Variants in KLF10 observed in about 807,000 individuals in gnomAD.
KLF10 encodes Krueppel-like factor 10.
KLF10 carries 17 observed loss-of-function variants against 31.6 expected under a neutral mutation model. The ratio of observed to expected loss-of-function variants is 0.54; its 90% CI spans 0.37 to 0.81. KLF10 has a LOEUF of 0.81. Among genes scored for constraint, KLF10 ranks in the 30% least tolerant of loss-of-function variants. The probability of loss-of-function intolerance (pLI) is 0.00; values close to 1 mark genes in which losing one functional copy is unlikely to be tolerated. For synonymous variants in KLF10, 239 were observed against 215.1 expected, an observed-to-expected ratio of 1.11 and a Z score of -0.97; for missense variants, 525 against 598.1, an observed-to-expected ratio of 0.88 and a Z score of 1.27.
At chr8:102,653,354 T>C in intron 1 of KLF10, 1 of 931,094 alleles carries the variant, frequency 1.1e-6, no homozygotes, top group Non-Finnish European at 1.5e-6. Flanking sequence ...TTTAATTCCT[T>C]AAAGAACTGC....
chr8:102,651,839 A>G lies in KLF10; in HGVS notation c.493T>C (p.Cys165Arg). 6.2e-7 allele frequency: 1 copy of G among 1,614,248 alleles called. No homozygotes were observed. The highest frequency in any genetic ancestry group is 1.1e-5 in the South Asian group (1 of 91,090). The change falls in exon 3 of 4, where the codon TGT becomes CGT. Residue 165 changes from cysteine (C) to arginine (R), a missense_variant. Transcript: ENST00000285407. Reference protein sequence around the residue: ...VIRHTADAQLCNHQTCPMKAA... With the variant: ...VIRHTADAQLRNHQTCPMKAA... ...TTCATTGGGCAGGTCTGGTGGTTAC[A>G]TAGCTGGGCATCAGCTGTATGACGA...
chr8:102,650,469 TGAG>T, intron 3 of KLF10, 78 bp from the exon 4 acceptor site: 6 of 1,370,000 alleles, frequency 4.4e-6, no homozygotes, highest in South Asian at 1.4e-5. Flanking sequence ...TAAAAGTATA[TGAG>T]AAGATACATT....
chr8:102,655,414 T>G, intron 1 of KLF10, 152 bp downstream of exon 1: 1 of 959,616 alleles, frequency 1.0e-6, no homozygotes, highest in Non-Finnish European at 1.7e-6. Flanking sequence ...ATGCCCATAG[T>G]CTGCAGGCAG....
rs754727199 is a variant in KLF10 at position 102,655,546 on chromosome 8, G to A, written c.36+20C>T. On this transcript the variant is annotated intron_variant, in intron 1 of 3. Transcript: ENST00000285407. ...ACAAGACCAGGCGAGGAAGCACAGG[G>A]GCATCCCCAAATGACTTACCGCAGT... The A allele has an allele frequency of 1.4e-5, 23 of 1,614,060 alleles. No individual in the cohort carries two copies. Among genetic ancestry groups the A allele is most frequent in the Non-Finnish European group, 1.8e-5 (21 of 1,179,948 alleles).
At position 102,650,176 on chromosome 8, in the gene KLF10, G is replaced by T. The variant is rs762662397; in HGVS notation, c.1399C>A (p.Leu467Ile). The change falls in exon 4 of 4, where the codon CTA becomes ATA. Residue 467 changes from leucine (L) to isoleucine (I), a missense_variant. Physicochemically the swap from Leu to Ile is conservative, Grantham distance 5. Around this residue, in one of 3 missense-constraint regions of KLF10, gnomAD observed 42 missense variants for 42.4 expected, o/e 0.99. Coordinates refer to ENST00000285407, the MANE Select transcript of KLF10 (RefSeq NM_005655.4). ...LPNWQMEVSK[L>I]NDIALPPTPA... ...GTTGGAGGTAGAGCAATGTCATTTA[G>T]CTTGCTCACTTCCATCTGCCAGTTT... 6.2e-7 allele frequency: 1 copy of T among 1,614,244 alleles called. No homozygotes were observed. Among genetic ancestry groups the T allele is most frequent in the Admixed American group, 1.7e-5 (1 of 60,028 alleles).
At chr8:102,651,023 C>A in intron 3 of KLF10, 126 bp downstream of exon 3, 1 of 872,526 alleles carries the variant, frequency 1.1e-6, no homozygotes, top group African/African-American at 1.7e-5. Context: ...GAGGACCTTG[C>A]ACTGGTAAAT....
Position 102,649,177 on chromosome 8 carries a change from T to C in KLF10, c.*955A>G, listed in dbSNP as rs1827146583. 6.5e-6 allele frequency: 1 copy of C among 152,676 alleles called. No homozygotes were observed. The highest frequency in any genetic ancestry group is 1.5e-5 in the Non-Finnish European group (1 of 68,036). The allele number at this position is 152,676 out of a possible 1,614,324, so 9.5% of individuals were successfully genotyped here. The stretch of plus-strand genomic sequence containing the variant: ...CTGTGAATAATGGTCACTAATTTTC[T>C]AATTCAATAAAGCACACATTATATC... On this transcript the variant is annotated 3_prime_UTR_variant, in exon 4 of 4. Transcript: ENST00000285407.
chr8:102,651,242 A>T lies in KLF10; in HGVS notation c.1090T>A (p.Ser364Thr), dbSNP rs778734661. The change falls in exon 3 of 4, where the codon TCA becomes ACA. Residue 364 changes from serine (S) to threonine (T), a missense_variant. Ser to Thr is a moderately conservative substitution (Grantham distance 58, BLOSUM62 1). This residue lies in a region of KLF10 where 434 missense variants were observed against 450.7 expected (regional missense o/e 0.96). Coordinates refer to ENST00000285407, the MANE Select transcript of KLF10 (RefSeq NM_005655.4). ...CTACAGATGTGACTCCTTATCCTTGATGAATCAATCTGAGGAGTGACTTTT... is the reference window on the plus strand; with the variant it reads ...CTACAGATGTGACTCCTTATCCTTGTTGAATCAATCTGAGGAGTGACTTTT... ...AAKVTPQIDS[S>T]RIRSHICSHP... 49 of 1,594,154 alleles carry T rather than the reference A, an allele frequency of 3.1e-5. No homozygotes were observed. The highest frequency in any genetic ancestry group is 4.0e-5 in the Non-Finnish European group (47 of 1,170,782).
At chr8:102,653,999 G>A in intron 1 of KLF10, 12 of 984,954 alleles carry the variant, frequency 1.2e-5, no homozygotes, top group East Asian at 1.1e-4. Flanking sequence ...AACATTCCTC[G>A]CCGCTCGCAC....
intron 1 of KLF10, chr8:102,653,794 G>C: frequency 1.9e-6 from 2 of 1,070,766 alleles, no homozygotes; most frequent in Non-Finnish European, 2.3e-6. Context: ...AGCGTGAGCT[G>C]GGAAGGACAG....
intron 1 of KLF10, chr8:102,653,878 CG>C (rs1827285616): frequency 4.2e-6 from 1 of 236,660 alleles, no homozygotes; most frequent in Non-Finnish European, 4.8e-6. Flanking sequence ...GAGGCGCGGG[CG>C]GGGGAGGCAG....
intron 1 of KLF10, 30 bp downstream of exon 1, chr8:102,655,536 G>A: frequency 1.2e-6 from 2 of 1,613,976 alleles, no homozygotes; most frequent in Non-Finnish European, 1.7e-6. Context: ...ACCAGGCGAG[G>A]AAGCACAGGG....
intron 1 of KLF10, 108 bp downstream of exon 1, chr8:102,655,458 C>G (rs900862771): frequency 7.1e-7 from 1 of 1,400,188 alleles, no homozygotes; most frequent in South Asian, 1.2e-5. Flanking sequence ...TCCGCTGCAG[C>G]CCCAATTCTC....
intron 1 of KLF10, among the ~76,000 whole-genome samples, chr8:102,654,737 C>T (rs1827318421): frequency 6.6e-6 from 1 of 151,562 alleles, no homozygotes; most frequent in African/African-American, 2.4e-5. Flanking sequence ...CGGCTCCAGA[C>T]GCGCGGCCCC....
rs935743387 is a variant in KLF10 at position 102,649,782 on chromosome 8, A to G, written c.*350T>C. 4.0e-6 allele frequency: 1 copy of G among 247,630 alleles called. No homozygotes were observed. Among genetic ancestry groups the G allele is most frequent in the East Asian group, 9.0e-5 (1 of 11,120 alleles). 15.3% of individuals were successfully genotyped at this position (247,630 alleles called of 1,614,324 possible). On this transcript the variant is annotated 3_prime_UTR_variant, in exon 4 of 4. Transcript: ENST00000285407. ...CAGTGCTTTAGAAGAATCACATTGA[A>G]AAGTTGGTCTCAAGTATAAACAGCA...
chr8:102,652,428 C>T lies in KLF10; in HGVS notation c.37-31G>A, dbSNP rs1271150576. 4.6e-6 allele frequency: 6 copies of T among 1,317,876 alleles called. No individual in the cohort carries two copies. In the Admixed American group the frequency reaches 1.4e-4, roughly 31 times the overall value. 81.6% of individuals were successfully genotyped at this position (1,317,876 alleles called of 1,614,324 possible). A position where few individuals can be genotyped will look rare whatever the true frequency, so the allele number is the denominator to read the frequency against. ...AAAACAAAAGAGGAAAGCTTATAAG[C>T]ATATTTTTTGTCATCCAAATGACAC... On this transcript the variant is annotated intron_variant, in intron 1 of 3. Coordinates refer to ENST00000285407, the MANE Select transcript of KLF10 (RefSeq NM_005655.4).
intron 1 of KLF10, chr8:102,653,671 C>T: frequency 7.8e-7 from 1 of 1,281,650 alleles, no homozygotes; most frequent in Non-Finnish European, 9.8e-7. Flanking sequence ...AATATAATTG[C>T]ATAATCGCGC....
At chr8:102,655,054 C>T (rs1827330608) in intron 1 of KLF10, among the ~76,000 whole-genome samples, 2 of 152,032 alleles carry the variant, frequency 1.3e-5, no homozygotes, top group African/African-American at 4.8e-5. Flanking sequence ...GATGGGTAGC[C>T]CACTCGCCTC....
At chr8:102,652,439 T>G (rs959722135) in intron 1 of KLF10, 42 bp from the exon 2 acceptor site, 1 of 1,218,568 alleles carries the variant, frequency 8.2e-7, no homozygotes, top group Non-Finnish European at 1.1e-6. Context: ...ATATTTTTTG[T>G]CATCCAAATG....
Sources: gnomAD v4.1 joint callset for allele counts (sites outside exome capture counted in the v4.1 genomes callset) on GRCh38, gnomAD v4.1.1 for gene constraint, gnomAD v4.1.1 regional missense constraint, MANE v1.5 for transcripts, NCBI Gene and HGNC (gene_info 2026-07-23, HGNC 2026-07-21) for gene names.